The following ABCC10 variants were observed in gnomAD, a reference collection of about 807,000 sequenced individuals.
The protein encoded by ABCC10 is ATP binding cassette subfamily C member 10.
In ABCC10, 110 loss-of-function variants were observed where a neutral mutation model predicts 143.2. The ratio of observed to expected loss-of-function variants is 0.77; its 90% CI spans 0.66 to 0.90. The LOEUF is 0.90. ABCC10 is among the 40% of genes least tolerant of loss of function. The pLI is 0.00. For missense variants in ABCC10, 1,700 were observed against 1,900.5 expected, an observed-to-expected ratio of 0.89 and a Z score of 1.96; for synonymous variants, 805 against 846.7, an observed-to-expected ratio of 0.95 and a Z score of 0.85.
Position 43,438,668 on chromosome 6 carries a change from GC to G in ABCC10, c.2002del (p.Leu668TrpfsTer32). The part of the protein sequence containing the change: ...VAVRGLSKGF[G>X]LATQEPWIQF... ...GTGCGGGGGCTGTCCAAGGGCTTTG[GC>G]CTGGCCACCCAGGAACCCTGGATCC... On this transcript the variant is annotated frameshift_variant, in exon 8 of 22. Coordinates refer to ENST00000372530, the MANE Select transcript of ABCC10 (RefSeq NM_001198934.2). LOFTEE classifies it high-confidence loss of function. 1 of 1,614,174 alleles carries G rather than the reference GC, an allele frequency of 6.2e-7. No homozygotes were observed. The highest frequency in any genetic ancestry group is 8.5e-7 in the Non-Finnish European group (1 of 1,180,036).
chr6:43,450,654 G>A (rs1184170100), downstream of ABCC10: 10 of 1,613,730 alleles, frequency 6.2e-6, no homozygotes, highest in East Asian at 2.2e-5. This position sits in a 1 kb window ranked among gnomAD's most constrained non-coding sequence, Gnocchi z 4.5. Context: ...ATAGTGTGGG[G>A]CAGGGTAGCA....
At chr6:43,447,485 T>C (rs1194203926) in intron 17 of ABCC10, 77 bp downstream of exon 17, 1 of 1,565,526 alleles carries the variant, frequency 6.4e-7, no homozygotes, top group Admixed American at 1.9e-5. Context: ...TCCTTTCTTT[T>C]TGCCCACCCA....
chr6:43,443,638 G>A lies in ABCC10; in HGVS notation c.2417-295G>A, dbSNP rs920286978. 4.9e-6 allele frequency: 2 copies of A among 410,698 alleles called. No homozygotes were observed. The highest frequency in any genetic ancestry group is 9.0e-6 in the Non-Finnish European group (2 of 223,376). 25.4% of individuals were successfully genotyped at this position (410,698 alleles called of 1,614,324 possible). ...GTAATGAGAAGTAACCCTGGACAGA[G>A]TGGCAGGCATAGCTCTGGCGGTCCT... On this transcript the variant is annotated intron_variant, in intron 10 of 21. Coordinates refer to ENST00000372530, the MANE Select transcript of ABCC10 (RefSeq NM_001198934.2). This position sits in a 1 kb window ranked among gnomAD's most constrained non-coding sequence, Gnocchi z 4.2.
At position 43,435,831 on chromosome 6, in the gene ABCC10, G is replaced by T; in HGVS notation, c.1689G>T (p.Glu563Asp). 6.2e-7 allele frequency: 1 copy of T among 1,614,186 alleles called. No individual in the cohort carries two copies. Among genetic ancestry groups the T allele is most frequent in the Non-Finnish European group, 8.5e-7 (1 of 1,180,036 alleles). ...CTTGGGTGATCAATGGTCTCCTGGAGGCCAAAGTGTCCTTGGACCGGATCC... is the reference window on the plus strand; with the variant it reads ...CTTGGGTGATCAATGGTCTCCTGGATGCCAAAGTGTCCTTGGACCGGATCC... ...NFPWVINGLL[E>D]AKVSLDRIQL... The change falls in exon 5 of 22, where the codon GAG becomes GAT. Residue 563 changes from glutamate to aspartate, a missense_variant. Coordinates refer to ENST00000372530, the MANE Select transcript of ABCC10 (RefSeq NM_001198934.2).
intron 2 of ABCC10, 118 bp downstream of exon 2, chr6:43,428,257 A>G (rs959580697): frequency 2.2e-5 from 26 of 1,200,578 alleles, no homozygotes; most frequent in Non-Finnish European, 2.4e-5. Context: ...GCAGAAGTAG[A>G]ATAAAATCTA....
Position 43,434,619 on chromosome 6 carries a change from A to G in ABCC10, c.1381-2A>G. On this transcript the variant is annotated splice_acceptor_variant, in intron 3 of 21. Coordinates refer to ENST00000372530, the MANE Select transcript of ABCC10 (RefSeq NM_001198934.2). LOFTEE classifies it high-confidence loss of function. ...CGCCTCTCCCTTGTCTCCTTTCCCT[A>G]GCTTGTGACAGAGCTGCTGAGTGGC... 6.2e-7 allele frequency: 1 copy of G among 1,612,154 alleles called. No individual in the cohort carries two copies. The highest frequency in any genetic ancestry group is 8.5e-7 in the Non-Finnish European group (1 of 1,178,606).
At chr6:43,447,585 C>G in intron 17 of ABCC10, 99 bp from the exon 18 acceptor site, 1 of 1,571,126 alleles carries the variant, frequency 6.4e-7, no homozygotes, top group Non-Finnish European at 8.6e-7. Context: ...TCATTCCTCT[C>G]ACACTGTCCA....
At position 43,432,683 on chromosome 6, in the gene ABCC10, C is replaced by G; in HGVS notation, c.703C>G (p.Arg235Gly). Residue 235 changes from arginine to glycine, a missense_variant, in exon 3 of 22, where the codon CGT (arginine) becomes GGT (glycine). Arg to Gly is a moderately radical substitution (Grantham distance 125). Coordinates refer to ENST00000372530, the MANE Select transcript of ABCC10 (RefSeq NM_001198934.2). Reference protein sequence around the residue: ...SYAWLAPLLARGACGELRQPQ... With the variant: ...SYAWLAPLLAGGACGELRQPQ... ...TGCCTGGCTGGCACCCTTGCTGGCC[C>G]GTGGGGCCTGTGGAGAGCTCCGGCA... The G allele has an allele frequency of 6.2e-7, 1 of 1,614,018 alleles. No homozygotes were observed. Among genetic ancestry groups the G allele is most frequent in the Non-Finnish European group, 8.5e-7 (1 of 1,180,016 alleles).
intron 20 of ABCC10, 97 bp from the exon 21 acceptor site, chr6:43,449,325 G>T: frequency 6.7e-7 from 1 of 1,485,910 alleles, no homozygotes; most frequent in Non-Finnish European, 9.2e-7. Flanking sequence ...AGAGCTGGAA[G>T]TGGGGAGCTG....
intron 2 of ABCC10, among the ~76,000 whole-genome samples, chr6:43,428,354 A>G (rs1780729166): frequency 6.6e-6 from 1 of 152,244 alleles, no homozygotes; most frequent in Non-Finnish European, 1.5e-5. Context: ...TAAATGAGAT[A>G]ATGAATTTAA....
chr6:43,435,030 T>C, intron 4 of ABCC10, 182 bp downstream of exon 4: 1 of 617,894 alleles, frequency 1.6e-6, no homozygotes. Context: ...CTCCCCTCTG[T>C]GAAGGAGTTC....
At chr6:43,444,723 C>T in intron 12 of ABCC10, 65 bp from the exon 13 acceptor site, 1 of 1,514,638 alleles carries the variant, frequency 6.6e-7, no homozygotes, top group East Asian at 2.3e-5. Context: ...AGAAAGGGGG[C>T]ATTGGAATAG....
chr6:43,444,179 A>T lies in ABCC10; in HGVS notation c.2515A>T (p.Asn839Tyr), dbSNP rs762417785. The T allele has an allele frequency of 3.1e-6, 5 of 1,613,682 alleles. No individual in the cohort carries two copies. Among genetic ancestry groups the T allele is most frequent in the Non-Finnish European group, 4.2e-6 (5 of 1,179,832 alleles). The change falls in exon 12 of 22, where the codon AAC becomes TAC. Residue 839 changes from asparagine (N) to tyrosine (Y), a missense_variant. Coordinates refer to ENST00000372530, the MANE Select transcript of ABCC10 (RefSeq NM_001198934.2). ...SDSATAQSVQ[N>Y]PEKTKEGLEE... Reference sequence around the variant, plus strand: ...CACAGCCACAGCCCAGTCAGTACAGAACCCAGAGAAAACAAAGGAGGGGCT... The same window carrying T: ...CACAGCCACAGCCCAGTCAGTACAGTACCCAGAGAAAACAAAGGAGGGGCT...
chr6:43,447,606 T>TTCTCCCCTCCTCACCATCGCTCCTCA, intron 17 of ABCC10, 78 bp from the exon 18 acceptor site: 4 of 1,585,748 alleles, frequency 2.5e-6, no homozygotes, highest in Non-Finnish European at 3.4e-6. Flanking sequence ...TTTCTCATTA[T>TTCTCCCCTCCTCACCATCGCTCCTCA]TCTCCCCTCC....
chr6:43,447,218 C>T (rs1158267178), intron 16 of ABCC10, 30 bp from the exon 17 acceptor site: 1 of 1,603,992 alleles, frequency 6.2e-7, no homozygotes, highest in Non-Finnish European at 8.5e-7. Context: ...TGTCCAAGCT[C>T]TCCCAGCAGC....
In ABCC10 at chr6:43,445,718, G is replaced by A. The variant is rs369333680; in HGVS notation, c.3150G>A (p.Ala1050=). 1.4e-5 allele frequency: 23 copies of A among 1,614,074 alleles called. No individual in the cohort carries two copies. Among genetic ancestry groups the A allele is most frequent in the African/African-American group, 4.0e-5 (3 of 74,944 alleles). ...TCCTCAACATCCTCCTGGCCAACGC[G>A]GCAGGCCTGCTGGGGCTCCTGGCCG... The part of the protein sequence containing the change: ...PFILNILLAN[A]AGLLGLLAVL... Residue 1050 remains alanine, a synonymous_variant, in exon 15 of 22, where the codon GCG becomes GCA. Transcript: ENST00000372530.
chr6:43,443,992 G>A lies in ABCC10; in HGVS notation c.2476G>A (p.Gly826Arg). The A allele has an allele frequency of 6.2e-7, 1 of 1,614,146 alleles. No individual in the cohort carries two copies. The highest frequency in any genetic ancestry group is 8.5e-7 in the Non-Finnish European group (1 of 1,179,976). The change falls in exon 11 of 22, where the codon GGA (glycine) becomes AGA (arginine). Residue 826 changes from glycine (G) to arginine (R), a missense_variant. By Grantham distance (125) the Gly-to-Arg change is moderately radical. Coordinates refer to ENST00000372530, the MANE Select transcript of ABCC10 (RefSeq NM_001198934.2). This position sits in a 1 kb window ranked among gnomAD's most constrained non-coding sequence, Gnocchi z 4.2. ...TGTCCCCAAAGCCTGGGCTGAGAATGGACAAGAGTCTGACTCAGGTATGGC... is the reference window on the plus strand; with the variant it reads ...TGTCCCCAAAGCCTGGGCTGAGAATAGACAAGAGTCTGACTCAGGTATGGC... ...QAVPKAWAEN[G>R]QESDSATAQS...
chr6:43,442,416 C>A (rs1782565958), intron 9 of ABCC10, among the ~76,000 whole-genome samples: 1 of 152,096 alleles, frequency 6.6e-6, no homozygotes. Flanking sequence ...GAAAAACATA[C>A]AAAAATTAGC....
rs1022674661 is a variant in ABCC10, at chr6:43,443,408, C to T, written c.2416+249C>T. ...TCTTGGGAACTTAAAGGCCCAGGGT[C>T]TCTGAGAACATTCTCATATCTTCAG... On this transcript the variant is annotated intron_variant, in intron 10 of 21. Transcript: ENST00000372530. The surrounding 1 kb of genome is among the most constrained non-coding windows in gnomAD (Gnocchi z 4.2). 2.3e-5 allele frequency: 10 copies of T among 430,480 alleles called. No individual in the cohort carries two copies. Among genetic ancestry groups the T allele is most frequent in the Non-Finnish European group, 3.3e-5 (8 of 244,528 alleles). The allele number at this position is 430,480 out of a possible 1,614,324, so 26.7% of individuals were successfully genotyped here.
Sources: gnomAD v4.1 joint callset for allele counts (sites outside exome capture counted in the v4.1 genomes callset) on GRCh38, gnomAD v4.1.1 for gene constraint, Gnocchi (gnomAD v3.1) non-coding constraint, MANE v1.5 for transcripts, NCBI Gene and HGNC (gene_info 2026-07-23, HGNC 2026-07-21) for gene names.